Variants in SPRED2 observed in about 807,000 individuals in gnomAD.
SPRED2 encodes sprouty-related, EVH1 domain-containing protein 2.
Under a neutral mutation model 43.0 loss-of-function variants are expected in SPRED2, and 47 were observed. That is an observed-to-expected ratio of 1.09 (90% CI 0.87 to 1.40). SPRED2 has a LOEUF of 1.40. Ranked by LOEUF, SPRED2 falls within the 40% of genes most tolerant of loss-of-function variation. SPRED2 has a pLI of 0.00. For missense variants in SPRED2, 561 were observed against 586.4 expected, an observed-to-expected ratio of 0.96 and a Z score of 0.45; for synonymous variants, 225 against 225.7, an observed-to-expected ratio of 1.00 and a Z score of 0.03.
intron 4 of SPRED2, among the ~76,000 whole-genome samples, chr2:65,322,291 TA>T (rs1244034297): frequency 0.012 from 1,023 of 83,280 alleles, 56 homozygotes; most frequent in East Asian, 0.021. Flanking sequence ...TATATATATA[TA>T]TATTTTTTTT....
Position 65,317,228 on chromosome 2 carries a change from C to G in SPRED2, c.439-345G>C, listed in dbSNP as rs193178214. ...TTCTAGTTTGATCAAGAATGGTTAC[C>G]CTGGCCAGGCGCGGGGGCTCATGCC... is the stretch of plus-strand genomic sequence containing the variant. On this transcript the variant is annotated intron_variant, in intron 4 of 5. Coordinates refer to ENST00000356388, the MANE Select transcript of SPRED2 (RefSeq NM_181784.3). 8.9e-4 allele frequency among the ~76,000 whole-genome samples: 135 copies of G among 152,182 alleles called. 1 individual carries two copies. The highest frequency in any genetic ancestry group is 3.2e-3 in the African/African-American group (131 of 41,532).
At position 65,432,311 on chromosome 2, in the gene SPRED2, A is replaced by C. The variant is rs1471467006; in HGVS notation, c.-324T>G. 2 of 283,936 alleles carry C rather than the reference A, an allele frequency of 7.0e-6. No individual in the cohort carries two copies. The highest frequency in any genetic ancestry group is 9.4e-5 in the Admixed American group (2 of 21,360). The allele number at this position is 283,936 out of a possible 1,614,324, so 17.6% of individuals were successfully genotyped here. The stretch of plus-strand genomic sequence containing the variant: ...CGGTGGGGGAGAGCAGGAGAAAAAC[A>C]AGCGCGCCTCGGAGCGGCAGGGACT... On this transcript the variant is annotated 5_prime_UTR_variant, in exon 1 of 6. Transcript: ENST00000356388.
chr2:65,359,623 T>A (rs1028577898), intron 1 of SPRED2, among the ~76,000 whole-genome samples: 1 of 152,096 alleles, frequency 6.6e-6, no homozygotes, highest in African/African-American at 2.4e-5. Context: ...AGTCATGCAG[T>A]CTGTGGTGGT....
At chr2:65,322,138 C>A (rs1673431891) in intron 4 of SPRED2, among the ~76,000 whole-genome samples, 1 of 149,768 alleles carries the variant, frequency 6.7e-6, no homozygotes, top group South Asian at 2.1e-4. Context: ...GTATGTTGAT[C>A]CTGTATCTGG....
intron 1 of SPRED2, 135 bp from the exon 2 acceptor site, chr2:65,345,031 T>A: frequency 1.3e-6 from 1 of 773,748 alleles, no homozygotes; most frequent in Non-Finnish European, 2.0e-6. Context: ...GGCGGCAACC[T>A]TAAAAAGTGG....
chr2:65,359,407 G>A (rs1674743092), intron 1 of SPRED2, among the ~76,000 whole-genome samples: 3 of 148,468 alleles, frequency 2.0e-5, no homozygotes. Context: ...GTAGTTTGAA[G>A]TACTTGATTC....
chr2:65,411,075 GT>G (rs1676147874), intron 1 of SPRED2, among the ~76,000 whole-genome samples: 1 of 152,144 alleles, frequency 6.6e-6, no homozygotes, highest in Admixed American at 6.5e-5. Flanking sequence ...CTCTTTCAGG[GT>G]TTTCCATTTT....
intron 1 of SPRED2, among the ~76,000 whole-genome samples, chr2:65,426,819 G>A (rs1295952417): frequency 6.6e-6 from 1 of 152,206 alleles, no homozygotes; most frequent in African/African-American, 2.4e-5. Context: ...GATCCACTTT[G>A]TATATATTGT....
At chr2:65,307,918 G>A (rs1672974624), downstream of SPRED2, among the ~76,000 whole-genome samples, 1 of 152,248 alleles carries the variant, frequency 6.6e-6, no homozygotes, top group Non-Finnish European at 1.5e-5. Flanking sequence ...GCATTGGCGG[G>A]CACTTTCACA....
intron 1 of SPRED2, among the ~76,000 whole-genome samples, chr2:65,406,914 T>C (rs1676037218): frequency 6.6e-6 from 1 of 150,890 alleles, no homozygotes; most frequent in Non-Finnish European, 1.5e-5. Flanking sequence ...TACTGGACAG[T>C]GGAAAGTTTA....
intron 4 of SPRED2, among the ~76,000 whole-genome samples, chr2:65,321,710 A>G (rs2104147981): frequency 6.6e-6 from 1 of 152,248 alleles, no homozygotes; most frequent in East Asian, 1.9e-4. Context: ...TTACATCTGT[A>G]AAATTGGGCC....
intron 1 of SPRED2, among the ~76,000 whole-genome samples, chr2:65,367,499 C>T (rs1675009286): frequency 6.6e-6 from 1 of 151,992 alleles, no homozygotes; most frequent in African/African-American, 2.4e-5. Context: ...TCAGTCCCTG[C>T]AATCTAATTT....
chr2:65,407,964 G>A (rs759272694), intron 1 of SPRED2, among the ~76,000 whole-genome samples: 1 of 152,232 alleles, frequency 6.6e-6, no homozygotes, highest in Non-Finnish European at 1.5e-5. Context: ...TTATCAAAAC[G>A]ATTATGACAT....
At position 65,431,957 on chromosome 2, in the gene SPRED2, C is replaced by G. The variant is rs1558697106; in HGVS notation, c.26+5G>C. On this transcript the variant is annotated splice_donor_5th_base_variant and intron_variant, in intron 1 of 5. Coordinates refer to ENST00000356388, the MANE Select transcript of SPRED2 (RefSeq NM_181784.3). ...ACCCTCGTCCCACCCCGCGACCAAA[C>G]TTACTCGTCTGGGTGTGTTTCTTCG... 5 of 1,613,906 alleles carry G rather than the reference C, an allele frequency of 3.1e-6. No homozygotes were observed. Among genetic ancestry groups the G allele is most frequent in the Non-Finnish European group, 4.2e-6 (5 of 1,179,932 alleles).
intron 1 of SPRED2, among the ~76,000 whole-genome samples, chr2:65,346,595 C>T (rs993998612): frequency 3.9e-5 from 6 of 152,108 alleles, no homozygotes; most frequent in African/African-American, 1.4e-4. Context: ...CTCTAGGTAC[C>T]TCATATAAGT....
At chr2:65,401,937 G>GCACACACACA (rs1553426622) in intron 1 of SPRED2, among the ~76,000 whole-genome samples, 36 of 114,710 alleles carry the variant, frequency 3.1e-4, no homozygotes, top group African/African-American at 7.8e-4. Flanking sequence ...GCGCGCGCGC[G>GCACACACACA]CACACACACA....
At chr2:65,373,534 C>T (rs943965811) in intron 1 of SPRED2, among the ~76,000 whole-genome samples, 1 of 152,214 alleles carries the variant, frequency 6.6e-6, no homozygotes, top group Non-Finnish European at 1.5e-5. Context: ...TCAATATTAG[C>T]TATGGTTATG....
chr2:65,341,602 T>C (rs748522326), intron 2 of SPRED2, among the ~76,000 whole-genome samples: 4 of 152,100 alleles, frequency 2.6e-5, no homozygotes, highest in Non-Finnish European at 5.9e-5. Context: ...TCTTAGAGCA[T>C]TGAGTTTCCC....
At chr2:65,369,078 A>G (rs536769281) in intron 1 of SPRED2, among the ~76,000 whole-genome samples, 27 of 151,980 alleles carry the variant, frequency 1.8e-4, no homozygotes, top group African/African-American at 6.3e-4. Flanking sequence ...CCATGTCTCA[A>G]AAAAAAATGA....
Sources: gnomAD v4.1 joint callset for allele counts (sites outside exome capture counted in the v4.1 genomes callset) on GRCh38, gnomAD v4.1.1 for gene constraint, MANE v1.5 for transcripts, NCBI Gene and HGNC (gene_info 2026-07-23, HGNC 2026-07-21) for gene names.